The following LPAR1 variants were observed in gnomAD, a reference collection of about 807,000 sequenced individuals.
The protein encoded by LPAR1 is LPA receptor 1.
LPAR1 carries 5 observed loss-of-function variants against 23.8 expected under a neutral mutation model. The observed-to-expected ratio is 0.21, with a 90% CI of 0.11 to 0.44. The LOEUF (loss-of-function observed/expected upper bound fraction) is 0.44. Among genes scored for constraint, LPAR1 ranks in the 20% least tolerant of loss-of-function variants. LPAR1 has a pLI of 0.99. For synonymous variants in LPAR1, 160 were observed against 164.7 expected (o/e 0.97, Z 0.22); for missense variants, 311 against 482.8 (o/e 0.64, Z 3.33).
intron 5 of LPAR1, among the ~76,000 whole-genome samples, chr9:110,919,328 A>C (rs553613342): frequency 6.6e-6 from 1 of 152,136 alleles, no homozygotes; most frequent in South Asian, 2.1e-4. Context: ...GAATTCTACC[A>C]GCAACCTAAG....
chr9:110,949,124 G>A (rs1333877187), intron 4 of LPAR1, among the ~76,000 whole-genome samples: 2 of 152,096 alleles, frequency 1.3e-5, no homozygotes, highest in Non-Finnish European at 2.9e-5. Flanking sequence ...AAGGTCCTGA[G>A]TTGGTGATAT....
intron 2 of LPAR1, among the ~76,000 whole-genome samples, chr9:111,000,182 C>T (rs1274837043): frequency 6.6e-6 from 1 of 152,216 alleles, no homozygotes; most frequent in African/African-American, 2.4e-5. Context: ...TTACCCCTTT[C>T]AGAAGCTCTG....
chr9:110,962,194 CT>C (rs2096020481), intron 4 of LPAR1, among the ~76,000 whole-genome samples: 1 of 152,162 alleles, frequency 6.6e-6, no homozygotes. Context: ...GGATCTACAT[CT>C]GACCATGACA....
At chr9:110,911,354 C>T (rs1044723493) in intron 5 of LPAR1, among the ~76,000 whole-genome samples, 2 of 152,050 alleles carry the variant, frequency 1.3e-5, no homozygotes, top group African/African-American at 2.4e-5. Context: ...TGAGACAAGC[C>T]TGGGCAACAT....
chr9:110,975,136 G>A (rs915007170), intron 2 of LPAR1, among the ~76,000 whole-genome samples: 1 of 152,096 alleles, frequency 6.6e-6, no homozygotes, highest in Non-Finnish European at 1.5e-5. Context: ...TATATGCTCA[G>A]GTCCAATATC....
chr9:111,008,270 TA>T (rs886822058), intron 2 of LPAR1, among the ~76,000 whole-genome samples: 4 of 152,272 alleles, frequency 2.6e-5, no homozygotes, highest in African/African-American at 9.6e-5. Context: ...CCCAGAATAC[TA>T]AGAGCAAAAT....
At chr9:110,914,373 A>C (rs2092814086) in intron 5 of LPAR1, among the ~76,000 whole-genome samples, 1 of 152,198 alleles carries the variant, frequency 6.6e-6, no homozygotes, top group Admixed American at 6.5e-5. Flanking sequence ...GCGGCAAGCA[A>C]GAGGGAGAAT....
rs1000063633 is a variant in LPAR1 at position 110,873,276 on chromosome 9, T to G, written c.*2145A>C. 12 of 152,228 alleles carry G rather than the reference T, an allele frequency of 7.9e-5. No homozygotes were observed. The highest frequency in any genetic ancestry group is 2.7e-4 in the African/African-American group (11 of 41,444). The allele number at this position is 152,228 out of a possible 1,614,324, so 9.4% of individuals were successfully genotyped here. ...ATTACCAAACGCTGATTGAAAATGATTTATTAAAGTCCAATTAGTATGCTT... is the reference window on the plus strand; with the variant it reads ...ATTACCAAACGCTGATTGAAAATGAGTTATTAAAGTCCAATTAGTATGCTT... On this transcript the variant is annotated 3_prime_UTR_variant, in exon 6 of 6. Coordinates refer to ENST00000683809, the MANE Select transcript of LPAR1 (RefSeq NM_001351411.2).
chr9:110,925,016 C>T (rs2093906847), intron 5 of LPAR1, among the ~76,000 whole-genome samples: 1 of 152,056 alleles, frequency 6.6e-6, no homozygotes, highest in Non-Finnish European at 1.5e-5. Context: ...AGTCTGACTC[C>T]CATTCTCCCT....
intron 2 of LPAR1, among the ~76,000 whole-genome samples, chr9:111,029,945 C>T (rs1263434048): frequency 6.8e-6 from 1 of 147,430 alleles, no homozygotes. Context: ...GTCCCAGCTA[C>T]TTGGAAGGCT....
At chr9:111,004,516 TA>T (rs2097180274) in intron 2 of LPAR1, among the ~76,000 whole-genome samples, 1 of 152,170 alleles carries the variant, frequency 6.6e-6, no homozygotes. Flanking sequence ...CACTGACCTC[TA>T]AAAAGGTTCT....
At chr9:111,006,967 C>A (rs1340326250) in intron 2 of LPAR1, among the ~76,000 whole-genome samples, 1 of 152,052 alleles carries the variant, frequency 6.6e-6, no homozygotes, top group Non-Finnish European at 1.5e-5. Context: ...GGAACATTCT[C>A]TTGGTGGTAA....
rs56962960 is a variant in LPAR1 at position 111,030,045 on chromosome 9, CAAAAAAAAAAA to C, written c.-182+6066_-182+6076del. Among the ~76,000 whole-genome samples the C allele has an allele frequency of 9.3e-5, 7 of 75,226 alleles. No homozygotes were observed. The Middle Eastern group carries it at 0.025, about 264-fold the overall frequency. The allele number at this position is 75,226 out of a possible 152,430, so 49.4% of individuals were successfully genotyped here. ...TGGGCAATAAAGTGAGGCTCTGCCTCAAAAAAAAAAAAAAAAAAAAAAAAATTTAGTGTCCT... is the reference window on the plus strand; with the variant it reads ...TGGGCAATAAAGTGAGGCTCTGCCTCAAAAAAAAAAAAAATTTAGTGTCCT... On this transcript the variant is annotated intron_variant, in intron 2 of 5. Coordinates refer to ENST00000683809, the MANE Select transcript of LPAR1 (RefSeq NM_001351411.2).
chr9:110,940,387 T>C (rs369714797), intron 5 of LPAR1, among the ~76,000 whole-genome samples: 1 of 152,172 alleles, frequency 6.6e-6, no homozygotes, highest in African/African-American at 2.4e-5. Flanking sequence ...CCATGTTACA[T>C]TCACCCAAAA....
At chr9:110,921,263 G>A (rs1012167221) in intron 5 of LPAR1, among the ~76,000 whole-genome samples, 2 of 152,156 alleles carry the variant, frequency 1.3e-5, no homozygotes, top group African/African-American at 4.8e-5. Flanking sequence ...GACAGAGCAA[G>A]ATCTTATCTC....
chr9:110,957,067 T>A (rs1021444019), intron 4 of LPAR1, among the ~76,000 whole-genome samples: 7 of 151,760 alleles, frequency 4.6e-5, no homozygotes, highest in African/African-American at 1.5e-4. Flanking sequence ...TAATAACACA[T>A]CAAAAAGATA....
chr9:110,948,606 T>A (rs547583725), intron 4 of LPAR1, among the ~76,000 whole-genome samples: 1 of 152,276 alleles, frequency 6.6e-6, no homozygotes, highest in East Asian at 1.9e-4. Context: ...CTTGTCAAAT[T>A]TCCAAAGAGA....
intron 5 of LPAR1, among the ~76,000 whole-genome samples, chr9:110,878,172 C>CT (rs2079627493): frequency 6.6e-6 from 1 of 152,132 alleles, no homozygotes. Context: ...TCCCAACACT[C>CT]TGTGTTTGGA....
chr9:110,986,443 G>A (rs7037180), intron 2 of LPAR1, among the ~76,000 whole-genome samples: 99,796 of 151,940 alleles, frequency 0.66, 33,159 homozygotes, highest in Admixed American at 0.71. Context: ...GGTGGCTCAT[G>A]CCTGTAATTC....
Sources: gnomAD v4.1 joint callset for allele counts (sites outside exome capture counted in the v4.1 genomes callset) on GRCh38, gnomAD v4.1.1 for gene constraint, MANE v1.5 for transcripts, NCBI Gene and HGNC (gene_info 2026-07-23, HGNC 2026-07-21) for gene names.